EGFR: variants seen among roughly 807,000 people sequenced by gnomAD.
EGFR encodes the protein epidermal growth factor receptor.
EGFR carries 58 observed loss-of-function variants against 143.0 expected under a neutral mutation model. That is an observed-to-expected ratio of 0.41 (90% CI 0.33 to 0.50). The LOEUF is 0.50. Among genes scored for constraint, EGFR ranks in the 20% least tolerant of loss-of-function variants. The probability of loss-of-function intolerance (pLI) is 0.39; values close to 1 mark genes in which losing one functional copy is unlikely to be tolerated. For missense variants in EGFR, 1,307 were observed against 1,579.0 expected (o/e 0.83, Z 2.92); for synonymous variants, 613 against 594.4 (o/e 1.03, Z -0.45).
At chr7:55,057,786 C>T (rs1466166064) in intron 1 of EGFR, among the ~76,000 whole-genome samples, 1 of 152,164 alleles carries the variant, frequency 6.6e-6, no homozygotes, top group Non-Finnish European at 1.5e-5. Context: ...GTATTGTTCT[C>T]ACATTTAAGT....
At chr7:55,135,637 A>G (rs77381283) in intron 1 of EGFR, among the ~76,000 whole-genome samples, 1 of 152,338 alleles carries the variant, frequency 6.6e-6, no homozygotes, top group East Asian at 1.9e-4. Flanking sequence ...AAATTTAAAT[A>G]AGTGTATTTA....
intron 1 of EGFR, among the ~76,000 whole-genome samples, chr7:55,129,334 A>G (rs1272470920): frequency 6.6e-6 from 1 of 152,274 alleles, no homozygotes; most frequent in Non-Finnish European, 1.5e-5. Flanking sequence ...ATGAGAAACA[A>G]TTATTGTCTT....
chr7:55,095,866 C>G (rs1216166620), intron 1 of EGFR, among the ~76,000 whole-genome samples: 1 of 150,772 alleles, frequency 6.6e-6, no homozygotes, highest in Non-Finnish European at 1.5e-5. Context: ...CAGAGACATA[C>G]CTACAACACA....
At chr7:55,091,920 C>T (rs6948336) in intron 1 of EGFR, among the ~76,000 whole-genome samples, 163 of 148,142 alleles carry the variant, frequency 1.1e-3, no homozygotes, top group Non-Finnish European at 1.9e-3. Flanking sequence ...AGAGAGATAA[C>T]TAAAGAGAGA....
intron 1 of EGFR, among the ~76,000 whole-genome samples, chr7:55,127,659 T>C (rs1266530814): frequency 6.6e-6 from 1 of 152,182 alleles, no homozygotes; most frequent in Non-Finnish European, 1.5e-5. Context: ...GGACCAATCC[T>C]TTCTGCCGCC....
intron 1 of EGFR, chr7:55,109,709 A>G (rs956624334): frequency 2.1e-5 from 21 of 984,790 alleles, no homozygotes; most frequent in Non-Finnish European, 2.2e-5. Flanking sequence ...CTTTTGACTC[A>G]CAGGACAAAT....
At chr7:55,161,312 T>G (rs1352910230) in intron 12 of EGFR, among the ~76,000 whole-genome samples, 187 bp from the exon 13 acceptor site, 2 of 152,242 alleles carry the variant, frequency 1.3e-5, no homozygotes, top group African/African-American at 4.8e-5. Context: ...CACAACTACT[T>G]TGTCCTTCCA....
chr7:55,129,335 T>G (rs1382813026), intron 1 of EGFR, among the ~76,000 whole-genome samples: 1 of 152,228 alleles, frequency 6.6e-6, no homozygotes, highest in Non-Finnish European at 1.5e-5. Flanking sequence ...TGAGAAACAA[T>G]TATTGTCTTA....
At position 55,137,835 on chromosome 7, in the gene EGFR, C is replaced by T. The variant is rs1378532202; in HGVS notation, c.89-4451C>T. ...GCCTCTGGTGTATGGGGGCAGGGATCGACTGGGAGGGGCATGAGGGATGAC... is the reference window on the plus strand; with the variant it reads ...GCCTCTGGTGTATGGGGGCAGGGATTGACTGGGAGGGGCATGAGGGATGAC... On this transcript the variant is annotated intron_variant, in intron 1 of 27. Coordinates refer to ENST00000275493, the MANE Select transcript of EGFR (RefSeq NM_005228.5). 2.6e-5 allele frequency among the ~76,000 whole-genome samples: 4 copies of T among 152,052 alleles called. 1 individual carries two copies. Among genetic ancestry groups the T allele is most frequent in the Non-Finnish European group, 5.9e-5 (4 of 68,004 alleles).
At chr7:55,201,619 C>T in intron 25 of EGFR, 116 bp from the exon 26 acceptor site, 1 of 1,390,944 alleles carries the variant, frequency 7.2e-7, no homozygotes, top group Non-Finnish European at 1.0e-6. Flanking sequence ...ACGATTAAGA[C>T]AAAAATTAAA....
rs553820031 is a variant in EGFR, at chr7:55,187,492, C to A, written c.2470-4227C>A. ...ATGACTCTCAGGACAGGGGTCCCAG[C>A]AGCCCTCCCTCCCTGAGCAGCAGGG... On this transcript the variant is annotated intron_variant, in intron 20 of 27. Transcript: ENST00000275493. Among the ~76,000 whole-genome samples, 11 of 152,274 alleles carry A rather than the reference C, an allele frequency of 7.2e-5. No homozygotes were observed. In the South Asian group the frequency reaches 2.3e-3, roughly 32 times the overall value.
At chr7:55,127,983 G>C (rs192838915) in intron 1 of EGFR, among the ~76,000 whole-genome samples, 1 of 152,176 alleles carries the variant, frequency 6.6e-6, no homozygotes, top group African/African-American at 2.4e-5. Flanking sequence ...AGATTGAATG[G>C]GGCAGCCAGA....
intron 1 of EGFR, among the ~76,000 whole-genome samples, chr7:55,030,566 G>GA (rs1347743400): frequency 2.0e-5 from 3 of 151,948 alleles, no homozygotes; most frequent in Admixed American, 6.6e-5. Flanking sequence ...AATACTTGCA[G>GA]AAAAAAAATG....
At position 55,093,366 on chromosome 7, in the gene EGFR, A is replaced by G. The variant is rs143167901; in HGVS notation, c.89-48920A>G. Among the ~76,000 whole-genome samples, 115 of 152,220 alleles carry G rather than the reference A, an allele frequency of 7.6e-4. 1 individual carries two copies. The highest frequency in any genetic ancestry group is 2.6e-3 in the African/African-American group (109 of 41,528). On this transcript the variant is annotated intron_variant, in intron 1 of 27. Transcript: ENST00000275493. ...TTTTGTGTTGGGAATTGTGCTGTTC[A>G]TTTTTACTCTACCTCGTTTTGGAAT...
At chr7:55,120,002 T>C (rs763528579) in intron 1 of EGFR, among the ~76,000 whole-genome samples, 12 of 152,234 alleles carry the variant, frequency 7.9e-5, no homozygotes, top group Non-Finnish European at 2.9e-5. Flanking sequence ...GTTCCTGACA[T>C]ACAAATAGTG....
chr7:55,165,749 C>T (rs983990830), intron 15 of EGFR, among the ~76,000 whole-genome samples: 7 of 152,236 alleles, frequency 4.6e-5, no homozygotes, highest in African/African-American at 9.6e-5. Context: ...GGGGCTTTTG[C>T]GTTTCTCTCC....
At chr7:55,074,073 G>A (rs983777415) in intron 1 of EGFR, among the ~76,000 whole-genome samples, 6 of 152,236 alleles carry the variant, frequency 3.9e-5, no homozygotes, top group Admixed American at 3.9e-4. Flanking sequence ...GGTCTCAACG[G>A]CTCATTCACC....
At chr7:55,135,208 GA>G (rs1038622682) in intron 1 of EGFR, among the ~76,000 whole-genome samples, 36 of 152,048 alleles carry the variant, frequency 2.4e-4, no homozygotes, top group African/African-American at 8.0e-4. Context: ...CATGGGGTTG[GA>G]AGTCCACCAG....
At chr7:55,063,203 C>G (rs994542384) in intron 1 of EGFR, among the ~76,000 whole-genome samples, 2 of 152,156 alleles carry the variant, frequency 1.3e-5, no homozygotes, top group Non-Finnish European at 2.9e-5. Flanking sequence ...CAAGAACGAC[C>G]GACCTCATTA....
Sources: gnomAD v4.1 joint callset for allele counts (sites outside exome capture counted in the v4.1 genomes callset) on GRCh38, gnomAD v4.1.1 for gene constraint, MANE v1.5 for transcripts, NCBI Gene and HGNC (gene_info 2026-07-23, HGNC 2026-07-21) for gene names.